CLVS1: variants seen among roughly 807,000 people sequenced by gnomAD.
CLVS1 encodes the protein clavesin-1.
CLVS1 carries 10 observed loss-of-function variants against 33.1 expected under a neutral mutation model. That is an observed-to-expected ratio of 0.30 (90% confidence interval 0.19 to 0.51). CLVS1 has a LOEUF of 0.51. Ranked by LOEUF, CLVS1 falls within the 20% of genes least tolerant of loss-of-function variation. The pLI is 0.97. For synonymous variants in CLVS1, 163 were observed against 166.1 expected (o/e 0.98, Z 0.14); for missense variants, 343 against 433.4 (o/e 0.79, Z 1.85).
At chr8:61,155,621 C>T (rs941708818) in intron 2 of CLVS1, among the ~76,000 whole-genome samples, 1 of 151,988 alleles carries the variant, frequency 6.6e-6, no homozygotes, top group Admixed American at 6.6e-5. Flanking sequence ...CCAAAATATA[C>T]ATCTTTGGCA....
chr8:61,299,600 C>CT, intron 1 of CLVS1, 77 bp from the exon 2 acceptor site: 1 of 530,634 alleles, frequency 1.9e-6, no homozygotes, highest in Non-Finnish European at 3.3e-6. Flanking sequence ...GTTTTTCTAT[C>CT]TAAGCTCCAA....
intron 1 of CLVS1, among the ~76,000 whole-genome samples, chr8:61,067,306 G>C (rs1332385170): frequency 6.6e-6 from 1 of 151,766 alleles, no homozygotes; most frequent in Non-Finnish European, 1.5e-5. Flanking sequence ...GGCACATGGA[G>C]TGTGCTCGAC....
intron 1 of CLVS1, among the ~76,000 whole-genome samples, chr8:61,118,580 C>G (rs1450687206): frequency 1.3e-5 from 2 of 151,410 alleles, no homozygotes; most frequent in Non-Finnish European, 2.9e-5. Context: ...TGTCTTTGTT[C>G]TCATTGGTTT....
intron 3 of CLVS1, among the ~76,000 whole-genome samples, chr8:61,405,097 G>T (rs372566232): frequency 6.6e-6 from 1 of 152,290 alleles, no homozygotes; most frequent in East Asian, 1.9e-4. Flanking sequence ...ACTCTCTGGG[G>T]GGTAGTGAAT....
chr8:61,108,387 G>T (rs1805574766), intron 1 of CLVS1, among the ~76,000 whole-genome samples: 1 of 152,076 alleles, frequency 6.6e-6, no homozygotes, highest in African/African-American at 2.4e-5. Flanking sequence ...ATTCATTATT[G>T]TTGACAACTA....
intron 1 of CLVS1, among the ~76,000 whole-genome samples, chr8:61,116,720 A>G (rs1805731744): frequency 1.4e-5 from 2 of 144,880 alleles, no homozygotes; most frequent in Non-Finnish European, 3.0e-5. Flanking sequence ...GTTCTGTTCC[A>G]TTGATCTATA....
chr8:61,392,637 C>A (rs1346943230), intron 3 of CLVS1, among the ~76,000 whole-genome samples: 3 of 151,928 alleles, frequency 2.0e-5, no homozygotes, highest in Non-Finnish European at 4.4e-5. Flanking sequence ...GCAGGTGGAT[C>A]ACTTGAGGGC....
chr8:61,191,589 C>T (rs569295636), intron 2 of CLVS1, among the ~76,000 whole-genome samples: 123 of 152,296 alleles, frequency 8.1e-4, no homozygotes, highest in Non-Finnish European at 1.1e-3. Context: ...CAAATTGTCC[C>T]TGTTTGCAGA....
At chr8:60,966,448 T>C in the CLVS1 span, 7 of 446,560 alleles carry the variant, frequency 1.6e-5, no homozygotes, top group Middle Eastern at 1.4e-3. Flanking sequence ...GCAGGATGGG[T>C]GAAGTCATTC....
At chr8:61,321,527 T>G (rs193302361) in intron 2 of CLVS1, among the ~76,000 whole-genome samples, 1 of 152,240 alleles carries the variant, frequency 6.6e-6, no homozygotes, top group Admixed American at 6.5e-5. Context: ...TTTGTTTTCT[T>G]GGAACATAAT....
Position 61,316,831 on chromosome 8 carries a change from C to T in CLVS1, c.455+16549C>T, listed in dbSNP as rs145404698. Among the ~76,000 whole-genome samples the T allele has an allele frequency of 1.7e-4, 26 of 152,212 alleles. 2 individuals are homozygous for T. In the East Asian group the frequency reaches 3.7e-3, roughly 22 times the overall value. ...TCAGGGCTCCATCACTTTCCCATTGCTTGAGCCTAGACAAGTTAATTTAAA... is the reference window on the plus strand; with the variant it reads ...TCAGGGCTCCATCACTTTCCCATTGTTTGAGCCTAGACAAGTTAATTTAAA... On this transcript the variant is annotated intron_variant, in intron 2 of 5. Transcript: ENST00000325897.
chr8:61,063,458 G>A (rs1325930657), intron 1 of CLVS1, among the ~76,000 whole-genome samples: 2 of 152,142 alleles, frequency 1.3e-5, no homozygotes, highest in Admixed American at 6.5e-5. Context: ...ACCTGTGCAC[G>A]TCAAGCGCAG....
chr8:61,362,362 T>G (rs989871819), intron 2 of CLVS1, among the ~76,000 whole-genome samples: 1 of 152,200 alleles, frequency 6.6e-6, no homozygotes, highest in Non-Finnish European at 1.5e-5. Flanking sequence ...AGTCATTTCT[T>G]TCTTTGAATG....
intron 1 of CLVS1, among the ~76,000 whole-genome samples, chr8:61,128,217 T>C (rs1166348168): frequency 1.3e-5 from 2 of 152,248 alleles, no homozygotes; most frequent in Non-Finnish European, 2.9e-5. Context: ...TATGCATAAG[T>C]ACATCCAATC....
intron 1 of CLVS1, among the ~76,000 whole-genome samples, chr8:61,126,907 ACT>A (rs1263551397): frequency 1.3e-5 from 2 of 152,090 alleles, no homozygotes; most frequent in African/African-American, 4.8e-5. Flanking sequence ...AGCACAGAAG[ACT>A]CTAACCCAGC....
At chr8:61,069,038 C>A (rs528493987) in intron 1 of CLVS1, among the ~76,000 whole-genome samples, 11 of 152,294 alleles carry the variant, frequency 7.2e-5, no homozygotes, top group East Asian at 3.9e-4. Context: ...ACGATCTCGG[C>A]TCACTGCAAC....
intron 3 of CLVS1, among the ~76,000 whole-genome samples, chr8:61,423,257 G>T (rs1442492804): frequency 6.6e-6 from 1 of 152,082 alleles, no homozygotes; most frequent in Non-Finnish European, 1.5e-5. Flanking sequence ...ATGTAATCCT[G>T]ATATTCATAT....
At chr8:61,253,485 A>T (rs1808997770) in intron 2 of CLVS1, among the ~76,000 whole-genome samples, 1 of 152,220 alleles carries the variant, frequency 6.6e-6, no homozygotes. Context: ...TAGATTGGGG[A>T]AGTTCTCCTG....
At chr8:61,101,420 G>A (rs60705732) in intron 1 of CLVS1, among the ~76,000 whole-genome samples, 4,132 of 152,076 alleles carry the variant, frequency 0.027, 185 homozygotes, top group African/African-American at 0.094. Context: ...TATCTTCTCT[G>A]GAAAAATGTC....
Sources: allele counts gnomAD v4.1 joint callset (sites outside exome capture counted in the v4.1 genomes callset), GRCh38; gene constraint gnomAD v4.1.1; transcripts MANE v1.5; gene names NCBI Gene and HGNC (gene_info 2026-07-23, HGNC 2026-07-21).